Variants in UNC5C observed in about 807,000 individuals in gnomAD.
UNC5C encodes the protein netrin receptor UNC5C.
UNC5C carries 47 observed loss-of-function variants against 99.8 expected under a neutral mutation model. The observed-to-expected ratio is 0.47, with a 90% confidence interval of 0.37 to 0.60. The LOEUF is 0.60. UNC5C is among the 20% of genes least tolerant of loss of function. The pLI is 0.00. For missense variants in UNC5C, 1,062 were observed against 1,165.9 expected, an observed-to-expected ratio of 0.91 and a Z score of 1.30; for synonymous variants, 487 against 452.2, an observed-to-expected ratio of 1.08 and a Z score of -0.98.
chr4:95,492,768 A>G (rs972229714), intron 1 of UNC5C, among the ~76,000 whole-genome samples: 5 of 151,604 alleles, frequency 3.3e-5, no homozygotes, highest in Admixed American at 6.6e-5. Context: ...TCAGAAGAGC[A>G]AATTCTTTCA....
intron 1 of UNC5C, among the ~76,000 whole-genome samples, chr4:95,388,457 C>T (rs1368067185): frequency 1.3e-5 from 2 of 152,100 alleles, no homozygotes; most frequent in Admixed American, 1.3e-4. Flanking sequence ...AGATTTTGCA[C>T]CCTAATTAAA....
chr4:95,512,813 A>G (rs2081962597), intron 1 of UNC5C, among the ~76,000 whole-genome samples: 2 of 152,058 alleles, frequency 1.3e-5, no homozygotes, highest in South Asian at 4.1e-4. Flanking sequence ...TTTATTTTTA[A>G]AAGTTTGTTT....
intron 1 of UNC5C, 102 bp from the exon 2 acceptor site, chr4:95,335,733 A>C (rs879562457): frequency 4.8e-5 from 44 of 914,722 alleles, no homozygotes; most frequent in South Asian, 1.3e-4. Flanking sequence ...GCAGTAATTA[A>C]GTGATTTGAA....
intron 3 of UNC5C, among the ~76,000 whole-genome samples, chr4:95,301,253 T>A (rs1741863087): frequency 6.9e-6 from 1 of 144,008 alleles, no homozygotes; most frequent in Non-Finnish European, 1.5e-5. Context: ...TGGAGTGCAG[T>A]GGCATAATCT....
At chr4:95,325,927 AT>A (rs1742866704) in intron 2 of UNC5C, among the ~76,000 whole-genome samples, 1 of 152,156 alleles carries the variant, frequency 6.6e-6, no homozygotes, top group Non-Finnish European at 1.5e-5. Context: ...ATTGTATTGC[AT>A]AGCTCTTTTT....
intron 5 of UNC5C, 48 bp from the exon 6 acceptor site, chr4:95,245,192 A>C (rs367641438): frequency 1.3e-6 from 2 of 1,555,840 alleles, no homozygotes; most frequent in Non-Finnish European, 1.7e-6. Flanking sequence ...GTGTGCATGC[A>C]CAACACACAT....
At chr4:95,453,744 A>G (rs1578172347) in intron 1 of UNC5C, among the ~76,000 whole-genome samples, 1 of 152,194 alleles carries the variant, frequency 6.6e-6, no homozygotes, top group African/African-American at 2.4e-5. Flanking sequence ...TCATTACAGT[A>G]GAGGGTGATA....
chr4:95,347,775 A>T (rs918885815), intron 1 of UNC5C, among the ~76,000 whole-genome samples: 1 of 152,036 alleles, frequency 6.6e-6, no homozygotes, highest in East Asian at 1.9e-4. Context: ...GGAGTAAAGA[A>T]TTGAATCTAA....
intron 1 of UNC5C, among the ~76,000 whole-genome samples, chr4:95,422,934 T>C (rs17380297): frequency 0.015 from 2,302 of 152,248 alleles, 27 homozygotes; most frequent in South Asian, 0.059. Context: ...ATAGCACATA[T>C]AATACAAAAA....
intron 3 of UNC5C, among the ~76,000 whole-genome samples, chr4:95,297,891 C>T (rs1300496407): frequency 6.6e-6 from 1 of 152,218 alleles, no homozygotes; most frequent in East Asian, 1.9e-4. Flanking sequence ...TCCTGCTTCT[C>T]CCCTTGCCCA....
chr4:95,211,656 G>A (rs1319516574), intron 10 of UNC5C, among the ~76,000 whole-genome samples: 1 of 152,086 alleles, frequency 6.6e-6, no homozygotes, highest in Non-Finnish European at 1.5e-5. Flanking sequence ...GTAAATTCAC[G>A]ACCTGGTACT....
At chr4:95,442,501 C>A (rs1410040243) in intron 1 of UNC5C, among the ~76,000 whole-genome samples, 2 of 150,984 alleles carry the variant, frequency 1.3e-5, no homozygotes, top group South Asian at 2.1e-4. Flanking sequence ...ACCCATCAAG[C>A]CCGCCTGTTT....
intron 1 of UNC5C, among the ~76,000 whole-genome samples, chr4:95,342,308 C>T (rs1325569162): frequency 1.3e-5 from 2 of 151,972 alleles, no homozygotes; most frequent in Non-Finnish European, 2.9e-5. Context: ...TCTTTTGCCA[C>T]TTAGCTACCA....
chr4:95,200,870 C>G (rs917470246), intron 12 of UNC5C, among the ~76,000 whole-genome samples: 6 of 152,148 alleles, frequency 3.9e-5, no homozygotes, highest in Admixed American at 1.3e-4. Context: ...TGTGCCCCCC[C>G]CAAATTCATA....
At chr4:95,350,054 G>A (rs1435520090) in intron 1 of UNC5C, among the ~76,000 whole-genome samples, 3 of 152,002 alleles carry the variant, frequency 2.0e-5, no homozygotes, top group Non-Finnish European at 4.4e-5. Context: ...GATAGAAATT[G>A]GTCTATTAGT....
intron 7 of UNC5C, among the ~76,000 whole-genome samples, chr4:95,239,404 G>A (rs555483249): frequency 6.6e-5 from 10 of 152,164 alleles, no homozygotes; most frequent in Non-Finnish European, 1.0e-4. Flanking sequence ...GTTTCTTGTG[G>A]GTAGGTCAGG....
intron 1 of UNC5C, among the ~76,000 whole-genome samples, chr4:95,547,818 G>C (rs538349312): frequency 3.9e-5 from 6 of 152,342 alleles, no homozygotes; most frequent in Non-Finnish European, 7.3e-5. Flanking sequence ...AGGCGGACAA[G>C]AAGGGAGCCG....
intron 1 of UNC5C, among the ~76,000 whole-genome samples, chr4:95,415,340 T>C (rs2149453642): frequency 6.6e-6 from 1 of 151,868 alleles, no homozygotes; most frequent in South Asian, 2.1e-4. Context: ...GCAAAAGATA[T>C]CATTAAAATT....
At chr4:95,370,570 C>T (rs1030004471) in intron 1 of UNC5C, among the ~76,000 whole-genome samples, 5 of 152,058 alleles carry the variant, frequency 3.3e-5, no homozygotes, top group Non-Finnish European at 7.4e-5. Flanking sequence ...AAAAGTAGAG[C>T]CTACATGAAA....
Sources: gnomAD v4.1 joint callset for allele counts (sites outside exome capture counted in the v4.1 genomes callset) on GRCh38, gnomAD v4.1.1 for gene constraint, MANE v1.5 for transcripts, NCBI Gene and HGNC (gene_info 2026-07-23, HGNC 2026-07-21) for gene names.